Variants in TSPAN9 observed in about 807,000 individuals in gnomAD.
The protein encoded by TSPAN9 is tetraspanin 9, also known as tetraspanin-9.
In TSPAN9, 16 loss-of-function variants were observed where a neutral mutation model predicts 31.0. That is an observed-to-expected ratio of 0.52 (90% CI 0.35 to 0.78). The LOEUF is 0.78. Among genes scored for constraint, TSPAN9 ranks in the 30% least tolerant of loss-of-function variants. TSPAN9 has a pLI of 0.01. For synonymous variants in TSPAN9, 145 were observed against 121.6 expected, an observed-to-expected ratio of 1.19 and a Z score of -1.27; for missense variants, 272 against 312.5, an observed-to-expected ratio of 0.87 and a Z score of 0.98.
chr12:3,275,131 G>T (rs904781106), intron 3 of TSPAN9, among the ~76,000 whole-genome samples: 1 of 152,226 alleles, frequency 6.6e-6, no homozygotes, highest in Non-Finnish European at 1.5e-5. Flanking sequence ...TTGAAGAGAG[G>T]TGACCAGGTC....
intron 3 of TSPAN9, among the ~76,000 whole-genome samples, chr12:3,201,873 G>A (rs1360152618): frequency 6.6e-6 from 1 of 152,168 alleles, no homozygotes; most frequent in Admixed American, 6.5e-5. Context: ...GGAAAGGAGG[G>A]GTGTGGGGGC....
chr12:3,244,178 C>G (rs2098398093), intron 3 of TSPAN9, among the ~76,000 whole-genome samples: 1 of 152,206 alleles, frequency 6.6e-6, no homozygotes, highest in African/African-American at 2.4e-5. Flanking sequence ...AGGGAGGTGT[C>G]TATGTCTGTG....
At chr12:3,267,142 G>C (rs1406222440) in intron 3 of TSPAN9, among the ~76,000 whole-genome samples, 1 of 152,192 alleles carries the variant, frequency 6.6e-6, no homozygotes, top group East Asian at 1.9e-4. Context: ...CCAAAACAGG[G>C]AGAATGGAGC....
chr12:3,244,606 C>T (rs371367724), intron 3 of TSPAN9, among the ~76,000 whole-genome samples: 8 of 152,318 alleles, frequency 5.3e-5, no homozygotes, highest in East Asian at 1.9e-4. Flanking sequence ...CCGGACCACG[C>T]GCTGCAGGCA....
At chr12:3,141,610 C>A (rs1014293038) in intron 2 of TSPAN9, among the ~76,000 whole-genome samples, 24 of 152,138 alleles carry the variant, frequency 1.6e-4, no homozygotes, top group African/African-American at 5.8e-4. Context: ...GCTGCAGCTG[C>A]GCTTGTGTTT....
chr12:3,208,817 A>G (rs1243480260), intron 3 of TSPAN9, among the ~76,000 whole-genome samples: 1 of 152,240 alleles, frequency 6.6e-6, no homozygotes, highest in Non-Finnish European at 1.5e-5. Context: ...CTGAGAGAGC[A>G]CCATTCTCTT....
At chr12:3,211,245 C>G (rs553766865) in intron 3 of TSPAN9, among the ~76,000 whole-genome samples, 2 of 152,282 alleles carry the variant, frequency 1.3e-5, no homozygotes, top group African/African-American at 4.8e-5. Context: ...CTCCATAGCT[C>G]CATTGATTAA....
chr12:3,117,157 T>G (rs12821695), intron 2 of TSPAN9, among the ~76,000 whole-genome samples: 2,040 of 152,308 alleles, frequency 0.013, 27 homozygotes, highest in Non-Finnish European at 0.021. Flanking sequence ...CCTCCTGTTT[T>G]CCAGGCTGTC....
intron 2 of TSPAN9, among the ~76,000 whole-genome samples, chr12:3,150,731 A>G (rs2098339331): frequency 1.3e-5 from 2 of 152,074 alleles, no homozygotes; most frequent in African/African-American, 4.8e-5. Context: ...AGCTGATTTC[A>G]GGGTGCTGAG....
At chr12:3,252,499 C>A (rs547730738) in intron 3 of TSPAN9, among the ~76,000 whole-genome samples, 1 of 152,338 alleles carries the variant, frequency 6.6e-6, no homozygotes, top group South Asian at 2.1e-4. Context: ...CTTATATAGC[C>A]GTCCCTGCAC....
intron 3 of TSPAN9, among the ~76,000 whole-genome samples, chr12:3,253,741 C>G (rs547487628): frequency 3.3e-5 from 5 of 152,276 alleles, no homozygotes; most frequent in Admixed American, 6.5e-5. Flanking sequence ...GGGTGGGAGG[C>G]TGGTGGTGGT....
intron 3 of TSPAN9, among the ~76,000 whole-genome samples, chr12:3,275,516 A>G (rs1376465484): frequency 6.6e-6 from 1 of 152,256 alleles, no homozygotes; most frequent in Non-Finnish European, 1.5e-5. Flanking sequence ...AAAAATTGAG[A>G]CGGCAGCATA....
chr12:3,094,854 TTTTTTTTTTTTTTTTG>T, intron 2 of TSPAN9, among the ~76,000 whole-genome samples: 1 of 84,882 alleles, frequency 1.2e-5, no homozygotes, highest in African/African-American at 3.2e-5. Context: ...AATCTTTTTT[TTTTTTTTTTTTTTTTG>T]TTTTTAAATT....
At chr12:3,142,644 T>C (rs7973427) in intron 2 of TSPAN9, among the ~76,000 whole-genome samples, 59,817 of 152,000 alleles carry the variant, frequency 0.39, 13,116 homozygotes, top group African/African-American at 0.6. Flanking sequence ...CCCTGCCCCC[T>C]GCGCCATGCT....
At chr12:3,247,336 T>G (rs1862158177) in intron 3 of TSPAN9, among the ~76,000 whole-genome samples, 1 of 108,358 alleles carries the variant, frequency 9.2e-6, no homozygotes, top group Non-Finnish European at 1.7e-5. Context: ...CCAAGTAGAG[T>G]GAGTGCCAGT....
intron 3 of TSPAN9, among the ~76,000 whole-genome samples, chr12:3,226,742 GTGTATA>G (rs2098387700): frequency 3.0e-4 from 1 of 3,298 alleles, no homozygotes; most frequent in African/African-American, 7.5e-4. Context: ...GTGTGTGTGT[GTGTATA>G]TATATATATA....
chr12:3,281,637 G>GCGAGGA, intron 7 of TSPAN9, 97 bp from the exon 8 acceptor site: 1 of 1,393,132 alleles, frequency 7.2e-7, no homozygotes. Flanking sequence ...GGAGGTAAGA[G>GCGAGGA]CGAGGACGAG....
intron 3 of TSPAN9, among the ~76,000 whole-genome samples, chr12:3,244,886 G>A (rs916969326): frequency 6.6e-6 from 1 of 152,200 alleles, no homozygotes; most frequent in Admixed American, 6.5e-5. Context: ...TGGGGCAGTG[G>A]ACACAGCCTC....
chr12:3,148,767 G>T (rs1300383613), intron 2 of TSPAN9, among the ~76,000 whole-genome samples: 2 of 152,228 alleles, frequency 1.3e-5, no homozygotes, highest in Non-Finnish European at 2.9e-5. Context: ...AGCTCGGCTG[G>T]GAAGCTGCCC....
Sources: allele counts gnomAD v4.1 joint callset (sites outside exome capture counted in the v4.1 genomes callset), GRCh38; gene constraint gnomAD v4.1.1; transcripts MANE v1.5; gene names NCBI Gene and HGNC (gene_info 2026-07-23, HGNC 2026-07-21).